BTBD7: variants seen among roughly 807,000 people sequenced by gnomAD.
BTBD7 encodes the protein BTB domain containing 7.
A neutral mutation model predicts 99.9 loss-of-function variants in BTBD7; 38 were observed. The observed-to-expected ratio is 0.38, with a 90% CI of 0.29 to 0.50. The LOEUF is 0.50. Ranked by LOEUF, BTBD7 falls within the 20% of genes least tolerant of loss-of-function variation. BTBD7 has a pLI of 0.93. For synonymous variants in BTBD7, 520 were observed against 511.4 expected (o/e 1.02, Z -0.23); for missense variants, 1,170 against 1,394.6 (o/e 0.84, Z 2.57).
chr14:93,315,112 G>C (rs1465998324), intron 1 of BTBD7, among the ~76,000 whole-genome samples: 1 of 152,002 alleles, frequency 6.6e-6, no homozygotes, highest in Non-Finnish European at 1.5e-5. Flanking sequence ...TTTTACATCA[G>C]AAAACTAATT....
At chr14:93,244,755 T>C (rs1250390899) in intron 10 of BTBD7, among the ~76,000 whole-genome samples, 1 of 152,130 alleles carries the variant, frequency 6.6e-6, no homozygotes, top group Non-Finnish European at 1.5e-5. Context: ...CAATAAGCCA[T>C]ATTTTAATGA....
Position 93,295,696 on chromosome 14 carries a change from C to T in BTBD7, c.82+274G>A, listed in dbSNP as rs183166311. Among the ~76,000 whole-genome samples, 53 of 152,276 alleles carry T rather than the reference C, an allele frequency of 3.5e-4. No individual in the cohort carries two copies. In the East Asian group the frequency reaches 7.7e-3, roughly 22 times the overall value. On this transcript the variant is annotated intron_variant, in intron 2 of 10. Transcript: ENST00000334746. ...AATGGGACACAGGAAATATGTACTT[C>T]GCTGTTTTAACACCAATGGAGACTG...
intron 3 of BTBD7, among the ~76,000 whole-genome samples, chr14:93,276,308 C>T (rs909756105): frequency 6.6e-6 from 1 of 152,164 alleles, no homozygotes; most frequent in Non-Finnish European, 1.5e-5. Context: ...TTTTCATGCT[C>T]CCTTACAATA....
At chr14:93,243,436 G>A (rs550662212) in intron 10 of BTBD7, among the ~76,000 whole-genome samples, 4 of 152,200 alleles carry the variant, frequency 2.6e-5, no homozygotes, top group East Asian at 3.9e-4. Flanking sequence ...CTCGTGATCC[G>A]CTCACCTCGG....
At chr14:93,295,006 TC>T in intron 2 of BTBD7, 69 bp from the exon 3 acceptor site, 1 of 1,416,292 alleles carries the variant, frequency 7.1e-7, no homozygotes, top group Non-Finnish European at 9.3e-7. Context: ...TTAACATTTT[TC>T]ATGTTGAAAA....
intron 3 of BTBD7, among the ~76,000 whole-genome samples, chr14:93,270,433 T>C (rs1050934152): frequency 2.0e-5 from 3 of 151,980 alleles, no homozygotes; most frequent in Non-Finnish European, 2.9e-5. Context: ...GTGGTGGGCA[T>C]CTGTAATCCC....
chr14:93,272,581 T>C (rs1302718637), intron 3 of BTBD7, among the ~76,000 whole-genome samples: 1 of 152,112 alleles, frequency 6.6e-6, no homozygotes, highest in East Asian at 1.9e-4. Context: ...CTTCCTACTG[T>C]CTCCCTCCAC....
intron 4 of BTBD7, among the ~76,000 whole-genome samples, chr14:93,263,552 ATT>A (rs2052511999): frequency 6.6e-6 from 1 of 152,216 alleles, no homozygotes; most frequent in Admixed American, 6.5e-5. Context: ...TTTTTGGTGC[ATT>A]TGGCTGGGAC....
chr14:93,246,283 G>T lies in BTBD7; in HGVS notation c.2125C>A (p.Pro709Thr). 1 of 1,452,042 alleles carries T rather than the reference G, an allele frequency of 6.9e-7. No homozygotes were observed. Among genetic ancestry groups the T allele is most frequent in the Non-Finnish European group, 9.1e-7 (1 of 1,101,840 alleles). The allele number at this position is 1,452,042 out of a possible 1,614,324, so 89.9% of individuals were successfully genotyped here. The change falls in exon 10 of 11, where the codon CCT becomes ACT. Residue 709 changes from proline (P) to threonine (T), a missense_variant. Physicochemically the swap from Pro to Thr is conservative, Grantham distance 38. Coordinates refer to ENST00000334746, the MANE Select transcript of BTBD7 (RefSeq NM_001002860.4). ...ADAAAELLQN[P>T]HKFFPDERFG... is the part of the protein sequence containing the mutation. ...CGTTCATCAGGAAAGAATTTGTGAG[G>T]ATTCTAAAAAAGATTAAAAAAAAAA...
chr14:93,302,915 A>G (rs1025317554), intron 1 of BTBD7, among the ~76,000 whole-genome samples: 1 of 148,662 alleles, frequency 6.7e-6, no homozygotes, highest in African/African-American at 2.6e-5. Context: ...CAGGAGGCTG[A>G]GGCAAGAGGA....
chr14:93,295,526 A>G (rs2052914952), intron 2 of BTBD7, among the ~76,000 whole-genome samples: 1 of 152,180 alleles, frequency 6.6e-6, no homozygotes, highest in Non-Finnish European at 1.5e-5. Context: ...ATCAAAGGAC[A>G]TTTGTCATAG....
At chr14:93,268,724 C>T (rs2052569202) in intron 3 of BTBD7, among the ~76,000 whole-genome samples, 1 of 151,780 alleles carries the variant, frequency 6.6e-6, no homozygotes, top group Non-Finnish European at 1.5e-5. Context: ...CAAAAGTTCC[C>T]CTTCCCAGCC....
intron 3 of BTBD7, among the ~76,000 whole-genome samples, chr14:93,266,468 C>T (rs1276706682): frequency 4.6e-5 from 7 of 151,538 alleles, no homozygotes; most frequent in African/African-American, 1.7e-4. Context: ...TGAGAGCTGT[C>T]TTTAAATGCC....
intron 5 of BTBD7, 73 bp downstream of exon 5, chr14:93,261,529 G>A (rs988170652): frequency 2.6e-5 from 29 of 1,124,996 alleles, no homozygotes; most frequent in Non-Finnish European, 3.5e-5. Context: ...ACTGATGTGC[G>A]GCATGCATTT....
At chr14:93,293,130 A>T (rs1041141421) in intron 3 of BTBD7, among the ~76,000 whole-genome samples, 2 of 152,162 alleles carry the variant, frequency 1.3e-5, no homozygotes, top group African/African-American at 2.4e-5. Context: ...TCTCCTACAA[A>T]AGGTCTCTTT....
chr14:93,272,673 A>C (rs1014771352), intron 3 of BTBD7, among the ~76,000 whole-genome samples: 4 of 152,136 alleles, frequency 2.6e-5, no homozygotes, highest in Admixed American at 6.5e-5. Context: ...CACACCTACA[A>C]ATCTATTTTT....
intron 1 of BTBD7, among the ~76,000 whole-genome samples, chr14:93,324,163 G>A (rs1010300268): frequency 2.0e-5 from 3 of 152,186 alleles, no homozygotes; most frequent in South Asian, 2.1e-4. Flanking sequence ...TTTGGGCCAG[G>A]TGCAGTGGTT....
At position 93,283,774 on chromosome 14, in the gene BTBD7, A is replaced by C. The variant is rs1357664488; in HGVS notation, c.1162+10084T>G. On this transcript the variant is annotated intron_variant, in intron 3 of 10. Transcript: ENST00000334746. ...ACTATGTTGGTCAGGCTGGTCTCGA[A>C]CTCCTGGCCTTAAGTAATCTGCCTG... Among the ~76,000 whole-genome samples, 6 of 152,214 alleles carry C rather than the reference A, an allele frequency of 3.9e-5. No homozygotes were observed. In the East Asian group the frequency reaches 7.7e-4, roughly 20 times the overall value.
intron 10 of BTBD7, among the ~76,000 whole-genome samples, chr14:93,243,435 C>T (rs901622195): frequency 5.9e-5 from 9 of 152,216 alleles, no homozygotes; most frequent in South Asian, 4.2e-4. Flanking sequence ...CCTCGTGATC[C>T]GCTCACCTCG....
Sources: allele counts gnomAD v4.1 joint callset (sites outside exome capture counted in the v4.1 genomes callset), GRCh38; gene constraint gnomAD v4.1.1; transcripts MANE v1.5; gene names NCBI Gene and HGNC (gene_info 2026-07-23, HGNC 2026-07-21).